EEIG1: variants seen among roughly 807,000 people sequenced by gnomAD.
EEIG1 encodes the protein estrogen-induced osteoclastogenesis regulator 1.
chr9:127,943,566 CAAG>C, the EEIG1 span: 1 of 346,854 alleles, frequency 2.9e-6, no homozygotes, highest in African/African-American at 2.1e-5. Context: ...TGAGGGTGAC[CAAG>C]AGGGCAGTGG....
chr9:127,980,114 C>T, the EEIG1 span: 9 of 1,613,178 alleles, frequency 5.6e-6, no homozygotes, highest in Admixed American at 6.7e-5. Context: ...ATTTGAATTT[C>T]TTCTTCTTCA....
the EEIG1 span, among the ~76,000 whole-genome samples, chr9:127,946,614 C>T: frequency 1.3e-5 from 2 of 152,234 alleles, no homozygotes; most frequent in African/African-American, 4.8e-5. Flanking sequence ...ACGAAGGCAC[C>T]ACCTGCGCTG....
At chr9:127,945,857 G>T in the EEIG1 span, 1 of 760,108 alleles carries the variant, frequency 1.3e-6, no homozygotes. The surrounding 1 kb of genome is among the most constrained non-coding windows in gnomAD (Gnocchi z 6.5). Flanking sequence ...ATGGCAGGGC[G>T]CCATTTAACA....
At chr9:127,959,251 G>A in the EEIG1 span, among the ~76,000 whole-genome samples, 12 of 152,182 alleles carry the variant, frequency 7.9e-5, no homozygotes, top group African/African-American at 2.2e-4. Flanking sequence ...CAACCCAAAT[G>A]TCCATCAACT....
At chr9:127,961,096 G>A in the EEIG1 span, among the ~76,000 whole-genome samples, 1 of 152,234 alleles carries the variant, frequency 6.6e-6, no homozygotes, top group African/African-American at 2.4e-5. Flanking sequence ...TGGGGAAAGT[G>A]AGGCTCAGAA....
At chr9:127,948,150 C>G in the EEIG1 span, 1 of 1,613,946 alleles carries the variant, frequency 6.2e-7, no homozygotes, top group African/African-American at 1.3e-5. Context: ...CACTGCTGGT[C>G]CCACCACCCT....
chr9:127,944,658 G>A, the EEIG1 span: 2 of 1,612,722 alleles, frequency 1.2e-6, no homozygotes, highest in Non-Finnish European at 1.7e-6. Context: ...GAGCCATCGC[G>A]GCTCACGAAC....
At chr9:127,976,421 G>A in the EEIG1 span, among the ~76,000 whole-genome samples, 1 of 152,218 alleles carries the variant, frequency 6.6e-6, no homozygotes, top group South Asian at 2.1e-4. The surrounding 1 kb of genome is among the most constrained non-coding windows in gnomAD (Gnocchi z 4.1). Flanking sequence ...AATCAAGGGC[G>A]CTTTATAGAA....
the EEIG1 span, chr9:127,943,282 T>A: frequency 6.3e-7 from 1 of 1,591,644 alleles, no homozygotes; most frequent in African/African-American, 1.3e-5. Context: ...GATACCCCAT[T>A]TCCTGAGCGC....
the EEIG1 span, chr9:127,972,727 C>G: frequency 3.9e-5 from 6 of 152,468 alleles, no homozygotes; most frequent in African/African-American, 1.4e-4. This position sits in a 1 kb window ranked among gnomAD's most constrained non-coding sequence, Gnocchi z 4.3. Context: ...CCACCCAAAT[C>G]AGCTGGCTGG....
chr9:127,979,105 C>T, the EEIG1 span, among the ~76,000 whole-genome samples: 4 of 152,194 alleles, frequency 2.6e-5, no homozygotes, highest in Non-Finnish European at 4.4e-5. Context: ...TCCACGTAGG[C>T]CTCCCAAAGT....
At chr9:127,966,875 G>A in the EEIG1 span, among the ~76,000 whole-genome samples, 424 of 152,316 alleles carry the variant, frequency 2.8e-3, 4 homozygotes, top group African/African-American at 9.8e-3. Context: ...GGGAGGTAAC[G>A]GGTGGTCTGT....
the EEIG1 span, among the ~76,000 whole-genome samples, chr9:127,975,367 A>G: frequency 1.3e-5 from 2 of 152,230 alleles, no homozygotes; most frequent in Non-Finnish European, 2.9e-5. Flanking sequence ...TGAGGATTCA[A>G]GCCTACCAAA....
chr9:127,943,096 C>T, the EEIG1 span: 9 of 1,138,010 alleles, frequency 7.9e-6, no homozygotes, highest in East Asian at 2.4e-5. Context: ...TGAGATGTGG[C>T]GCAGAGGTGA....
the EEIG1 span, chr9:127,953,554 C>T: frequency 6.2e-7 from 1 of 1,613,008 alleles, no homozygotes. Flanking sequence ...TCCCACTGCC[C>T]CTTCACACAG....
At chr9:127,942,620 GGT>G in the EEIG1 span, 4 of 159,082 alleles carry the variant, frequency 2.5e-5, no homozygotes, top group African/African-American at 9.6e-5. Flanking sequence ...GCCGCCAGCA[GGT>G]CCCCCAGGAC....
chr9:127,971,520 C>T, the EEIG1 span, among the ~76,000 whole-genome samples: 1 of 141,606 alleles, frequency 7.1e-6, no homozygotes, highest in East Asian at 2.5e-4. Context: ...CAGACTGACA[C>T]CTCGGGCCTG....
At chr9:127,961,952 GC>G in the EEIG1 span, among the ~76,000 whole-genome samples, 1 of 152,228 alleles carries the variant, frequency 6.6e-6, no homozygotes, top group Non-Finnish European at 1.5e-5. Context: ...TTACAGAGGA[GC>G]TGTATGGAGG....
At chr9:127,971,731 G>A in the EEIG1 span, among the ~76,000 whole-genome samples, 6 of 152,186 alleles carry the variant, frequency 3.9e-5, no homozygotes, top group Admixed American at 2.6e-4. Context: ...CACAGTCTGC[G>A]GAATGAGCTA....
Sources: allele counts gnomAD v4.1 joint callset (sites outside exome capture counted in the v4.1 genomes callset), GRCh38; gene constraint gnomAD v4.1.1; non-coding constraint Gnocchi (gnomAD v3.1); transcripts MANE v1.5; gene names NCBI Gene and HGNC (gene_info 2026-07-23, HGNC 2026-07-21).